R3HCC1L: variants seen among roughly 807,000 people sequenced by gnomAD.
R3HCC1L encodes the protein R3H domain and coiled-coil containing 1 like.
R3HCC1L carries 51 observed loss-of-function variants against 59.9 expected under a neutral mutation model. The ratio of observed to expected loss-of-function variants is 0.85; its 90% CI spans 0.68 to 1.07. The LOEUF (loss-of-function observed/expected upper bound fraction) is 1.07. Among genes scored for constraint, R3HCC1L ranks in the 50% least tolerant of loss-of-function variants. The pLI is 0.00. For missense variants in R3HCC1L, 965 were observed against 933.0 expected (o/e 1.03, Z -0.45); for synonymous variants, 322 against 315.2 (o/e 1.02, Z -0.23).
chr10:98,207,961 G>T (rs1309876294), intron 4 of R3HCC1L, 140 bp from the exon 5 acceptor site: 1 of 771,742 alleles, frequency 1.3e-6, no homozygotes, highest in Admixed American at 3.0e-5. Context: ...AAGGGCAGAG[G>T]TTACAGTGAG....
intron 1 of R3HCC1L, among the ~76,000 whole-genome samples, chr10:98,138,418 C>T (rs1156957790): frequency 6.6e-6 from 1 of 151,916 alleles, no homozygotes; most frequent in African/African-American, 2.4e-5. Context: ...TTGGCTGGGC[C>T]TGGTAGCTCA....
Position 98,176,269 on chromosome 10 carries a change from T to C in R3HCC1L, c.-15+12872T>C, listed in dbSNP as rs1208583293. On this transcript the variant is annotated intron_variant, in intron 4 of 9. Transcript: ENST00000298999. The stretch of plus-strand genomic sequence containing the variant: ...TGGCGATTCCAGTTCCTATGCCTCT[T>C]CATATCCATTTTAAAATCAGCTTCT... Among the ~76,000 whole-genome samples, 3 of 152,294 alleles carry C rather than the reference T, an allele frequency of 2.0e-5. No individual in the cohort carries two copies. In the East Asian group the frequency reaches 5.8e-4, roughly 29 times the overall value.
At chr10:98,235,661 A>C (rs2135697152) in intron 8 of R3HCC1L, 141 bp downstream of exon 8, 1 of 752,084 alleles carries the variant, frequency 1.3e-6, no homozygotes, top group South Asian at 2.1e-5. Flanking sequence ...AGAAAAAATA[A>C]ATAAAAGGGA....
chr10:98,148,273 C>G (rs1475620210), intron 1 of R3HCC1L, among the ~76,000 whole-genome samples: 2 of 151,938 alleles, frequency 1.3e-5, no homozygotes, highest in Admixed American at 6.6e-5. Flanking sequence ...TTTATCAGTT[C>G]TAAGAATTTT....
intron 9 of R3HCC1L, among the ~76,000 whole-genome samples, chr10:98,238,727 T>C (rs1320627777): frequency 6.6e-6 from 1 of 152,216 alleles, no homozygotes; most frequent in Admixed American, 6.5e-5. Context: ...TTTGCAGTTA[T>C]TGACATTTTC....
chr10:98,144,899 ACT>A (rs1189785538), intron 1 of R3HCC1L, among the ~76,000 whole-genome samples: 1 of 152,118 alleles, frequency 6.6e-6, no homozygotes, highest in Admixed American at 6.6e-5. Context: ...ACAGAAGAAA[ACT>A]CTGGAGGGAA....
At chr10:98,206,277 T>C (rs1445083470) in intron 4 of R3HCC1L, among the ~76,000 whole-genome samples, 1 of 151,630 alleles carries the variant, frequency 6.6e-6, no homozygotes, top group African/African-American at 2.4e-5. Flanking sequence ...TAGATCTTTC[T>C]TTATGCAAAT....
At position 98,179,453 on chromosome 10, in the gene R3HCC1L, G is replaced by C. The variant is rs569286885; in HGVS notation, c.-15+16056G>C. 1.9e-3 allele frequency among the ~76,000 whole-genome samples: 294 copies of C among 152,286 alleles called. 3 individuals are homozygous for C. Among genetic ancestry groups the C allele is most frequent in the African/African-American group, 6.1e-3 (255 of 41,556 alleles). ...GGATAAGCTTTCTGATGTGCTGCTG[G>C]ATTCGGTTTGCCGGGATTTTACTTA... On this transcript the variant is annotated intron_variant, in intron 4 of 9. Coordinates refer to ENST00000298999, the MANE Select transcript of R3HCC1L (RefSeq NM_001351015.2).
At chr10:98,174,828 GA>G in intron 4 of R3HCC1L, 4 of 929,686 alleles carry the variant, frequency 4.3e-6, no homozygotes, top group Non-Finnish European at 5.1e-6. Flanking sequence ...AGAAAGTCTA[GA>G]AAAAAATGTA....
Position 98,209,708 on chromosome 10 carries a change from G to A in R3HCC1L, c.1594G>A (p.Glu532Lys), listed in dbSNP as rs1853318973. The A allele has an allele frequency of 1.1e-5, 18 of 1,613,834 alleles. No homozygotes were observed. Among genetic ancestry groups the A allele is most frequent in the Non-Finnish European group, 1.5e-5 (18 of 1,179,914 alleles). Reference sequence around the variant, plus strand: ...AACTGCCGAAGAGTTCAAAACAGAAGAGCAAGATGACTCAGGGAGTATAGA... The same window carrying A: ...AACTGCCGAAGAGTTCAAAACAGAAAAGCAAGATGACTCAGGGAGTATAGA... ...LRTAEEFKTEEQDDSGSIEFG... is the reference protein window; with the variant it reads ...LRTAEEFKTEKQDDSGSIEFG... Residue 532 changes from glutamate to lysine, a missense_variant, in exon 5 of 10, where the codon GAG becomes AAG. Glu to Lys is a moderately conservative substitution (Grantham distance 56). Coordinates refer to ENST00000298999, the MANE Select transcript of R3HCC1L (RefSeq NM_001351015.2).
chr10:98,222,100 T>C (rs1855060328), intron 5 of R3HCC1L, among the ~76,000 whole-genome samples: 2 of 152,208 alleles, frequency 1.3e-5, no homozygotes, highest in South Asian at 4.1e-4. Context: ...TTCACATCCC[T>C]TGTAAGTTGG....
Position 98,239,263 on chromosome 10 carries a change from A to G in R3HCC1L, c.2269+3099A>G, listed in dbSNP as rs900660838. ...TATGAGCTTGTAATGACAAATACGT[A>G]TTATATACTGCTACTCTCCATCCAT... On this transcript the variant is annotated intron_variant, in intron 9 of 9. Transcript: ENST00000298999. Among the ~76,000 whole-genome samples the G allele has an allele frequency of 4.6e-5, 7 of 152,234 alleles. No homozygotes were observed. The East Asian group carries it at 1.2e-3, about 25-fold the overall frequency.
intron 5 of R3HCC1L, among the ~76,000 whole-genome samples, chr10:98,211,694 C>G (rs1349319691): frequency 6.6e-6 from 1 of 152,014 alleles, no homozygotes. Context: ...AAATATTTAT[C>G]CAATGGATGG....
intron 5 of R3HCC1L, among the ~76,000 whole-genome samples, chr10:98,228,301 T>C (rs1449745637): frequency 1.3e-5 from 2 of 152,258 alleles, no homozygotes; most frequent in Admixed American, 6.5e-5. Flanking sequence ...GGTATCTCAT[T>C]GTGGTTTTGA....
chr10:98,190,306 T>A (rs554216471), intron 4 of R3HCC1L, among the ~76,000 whole-genome samples: 17 of 152,144 alleles, frequency 1.1e-4, no homozygotes, highest in Non-Finnish European at 2.5e-4. Context: ...ACCTTGAAAG[T>A]GTGGAAAGGA....
At chr10:98,205,648 A>G (rs1450972849) in intron 4 of R3HCC1L, among the ~76,000 whole-genome samples, 2 of 152,212 alleles carry the variant, frequency 1.3e-5, no homozygotes, top group African/African-American at 4.8e-5. Context: ...AGTCGAAATC[A>G]TTGCTTTGGT....
intron 5 of R3HCC1L, among the ~76,000 whole-genome samples, chr10:98,215,216 A>T (rs1056329782): frequency 2.0e-5 from 3 of 152,202 alleles, no homozygotes; most frequent in Non-Finnish European, 4.4e-5. Flanking sequence ...CTGTGGAATA[A>T]TGAGACTTAT....
intron 2 of R3HCC1L, among the ~76,000 whole-genome samples, chr10:98,161,280 A>G (rs1847389254): frequency 6.6e-6 from 1 of 152,096 alleles, no homozygotes; most frequent in Admixed American, 6.5e-5. Flanking sequence ...GTTATTAGTG[A>G]AGTTGAACAT....
At chr10:98,198,619 C>CT (rs1441951888) in intron 4 of R3HCC1L, among the ~76,000 whole-genome samples, 1 of 150,802 alleles carries the variant, frequency 6.6e-6, no homozygotes, top group East Asian at 1.9e-4. Context: ...AGATTGTTAT[C>CT]TAATTGGTTT....
Sources: gnomAD v4.1 joint callset for allele counts (sites outside exome capture counted in the v4.1 genomes callset) on GRCh38, gnomAD v4.1.1 for gene constraint, MANE v1.5 for transcripts, NCBI Gene and HGNC (gene_info 2026-07-23, HGNC 2026-07-21) for gene names.